DTNB: variants seen among roughly 807,000 people sequenced by gnomAD.
The protein encoded by DTNB is DTN-B.
A neutral mutation model predicts 90.7 loss-of-function variants in DTNB; 63 were observed. That is an observed-to-expected ratio of 0.69 (90% CI 0.57 to 0.86). DTNB has a LOEUF of 0.86. DTNB is among the 40% of genes least tolerant of loss of function. The probability of loss-of-function intolerance (pLI) is 0.00; values close to 1 mark genes in which losing one functional copy is unlikely to be tolerated. For missense variants in DTNB, 744 were observed against 807.1 expected (o/e 0.92, Z 0.95); for synonymous variants, 277 against 286.7 (o/e 0.97, Z 0.34).
At position 25,560,020 on chromosome 2, in the gene DTNB, G is replaced by A. The variant is rs1044046534; in HGVS notation, c.876+16818C>T. Among the ~76,000 whole-genome samples, 5 of 152,222 alleles carry A rather than the reference G, an allele frequency of 3.3e-5. No homozygotes were observed. The East Asian group carries it at 7.7e-4, about 23-fold the overall frequency. ...TCCCAACACTTTGAGAGGCCAAGGCGGGTGGATCACCTGAGGCCAGGAGTT... is the reference window on the plus strand; with the variant it reads ...TCCCAACACTTTGAGAGGCCAAGGCAGGTGGATCACCTGAGGCCAGGAGTT... On this transcript the variant is annotated intron_variant, in intron 8 of 20. Coordinates refer to ENST00000406818, the MANE Select transcript of DTNB (RefSeq NM_021907.5).
At chr2:25,609,657 TACACAC>T (rs4007298) in intron 4 of DTNB, among the ~76,000 whole-genome samples, 5,818 of 126,982 alleles carry the variant, frequency 0.046, 229 homozygotes, top group African/African-American at 0.1. Flanking sequence ...TAATAGAATG[TACACAC>T]ACACACACAC....
chr2:25,620,391 A>G (rs969884276), intron 4 of DTNB, among the ~76,000 whole-genome samples: 1 of 152,176 alleles, frequency 6.6e-6, no homozygotes, highest in African/African-American at 2.4e-5. Flanking sequence ...TACTGAATGG[A>G]CAGGAGAAGT....
chr2:25,609,657 TACACACACACACACACACAC>T (rs4007298), intron 4 of DTNB, among the ~76,000 whole-genome samples: 23 of 127,006 alleles, frequency 1.8e-4, no homozygotes, highest in African/African-American at 2.8e-4. Context: ...TAATAGAATG[TACACACACACACACACACAC>T]ACACACACAC....
chr2:25,641,154 C>T (rs2078221393), intron 2 of DTNB, among the ~76,000 whole-genome samples: 3 of 152,140 alleles, frequency 2.0e-5, no homozygotes, highest in Admixed American at 2.0e-4. Flanking sequence ...ACATGCATCA[C>T]CATAAAGCCC....
chr2:25,461,415 T>C (rs2060932015), intron 10 of DTNB, among the ~76,000 whole-genome samples: 1 of 152,232 alleles, frequency 6.6e-6, no homozygotes, highest in Non-Finnish European at 1.5e-5. Flanking sequence ...CTTTCCTTTT[T>C]GATAAAATAT....
intron 1 of DTNB, among the ~76,000 whole-genome samples, chr2:25,669,403 T>A (rs1159767480): frequency 1.3e-5 from 2 of 152,198 alleles, no homozygotes; most frequent in African/African-American, 4.8e-5. Context: ...AAAACTTTTT[T>A]AAACTTTTGG....
At chr2:25,410,083 T>C (rs1342739935) in intron 16 of DTNB, among the ~76,000 whole-genome samples, 1 of 152,216 alleles carries the variant, frequency 6.6e-6, no homozygotes, top group African/African-American at 2.4e-5. Context: ...TCCTTTTCTG[T>C]TAATGCTTTG....
At chr2:25,576,220 T>TG (rs2060630809) in intron 8 of DTNB, among the ~76,000 whole-genome samples, 1 of 145,898 alleles carries the variant, frequency 6.9e-6, no homozygotes, top group African/African-American at 2.6e-5. Context: ...TGAACAGTTT[T>TG]GTTTTTTTTT....
chr2:25,635,064 A>T (rs1329742189), intron 3 of DTNB, among the ~76,000 whole-genome samples: 4 of 149,558 alleles, frequency 2.7e-5, no homozygotes, highest in Admixed American at 1.3e-4. Context: ...AAAAAAAAAT[A>T]AAAAAATAAA....
intron 2 of DTNB, among the ~76,000 whole-genome samples, chr2:25,641,810 G>C (rs1352258359): frequency 6.6e-6 from 1 of 152,168 alleles, no homozygotes; most frequent in Non-Finnish European, 1.5e-5. Flanking sequence ...GTAGAAGCCA[G>C]ATCAACTTCA....
At chr2:25,548,831 G>C (rs2082991743) in intron 8 of DTNB, among the ~76,000 whole-genome samples, 1 of 152,192 alleles carries the variant, frequency 6.6e-6, no homozygotes, top group African/African-American at 2.4e-5. Context: ...GAAGGGAAAA[G>C]GGCAGAACCG....
chr2:25,379,394 AAGGGGCTTCCCTGACCAACCCACCCC>A (rs2149484927), intron 19 of DTNB, 71 bp from the exon 20 acceptor site: 7 of 1,289,964 alleles, frequency 5.4e-6, no homozygotes, highest in South Asian at 3.5e-5. Context: ...GACTATCTCA[AAGGGGCTTCCCTGACCAACCCACCCC>A]AGGGGCTTCC....
intron 8 of DTNB, among the ~76,000 whole-genome samples, chr2:25,571,135 C>T (rs779106111): frequency 5.3e-5 from 8 of 152,160 alleles, no homozygotes; most frequent in African/African-American, 1.9e-4. Flanking sequence ...TTGACTCCTC[C>T]GCTCTCACAA....
intron 2 of DTNB, among the ~76,000 whole-genome samples, chr2:25,642,627 G>T (rs1476080993): frequency 1.5e-4 from 23 of 151,904 alleles, no homozygotes; most frequent in Admixed American, 1.2e-3. Flanking sequence ...GCCCAGGCTG[G>T]TCTTGAACTC....
At chr2:25,553,480 G>C (rs956902629) in intron 8 of DTNB, among the ~76,000 whole-genome samples, 2 of 151,972 alleles carry the variant, frequency 1.3e-5, no homozygotes, top group Non-Finnish European at 2.9e-5. Context: ...GCTCATGCTT[G>C]TAATCCTAGC....
chr2:25,612,986 T>C (rs1048965931), intron 4 of DTNB, among the ~76,000 whole-genome samples: 3 of 152,138 alleles, frequency 2.0e-5, no homozygotes, highest in Middle Eastern at 3.2e-3. Context: ...TCTCTAAACA[T>C]TTAAAGAAGA....
chr2:25,377,576 T>C (rs1235706360), intron 20 of DTNB, 23 bp from the exon 21 acceptor site: 2 of 152,476 alleles, frequency 1.3e-5, no homozygotes, highest in Non-Finnish European at 2.9e-5. Context: ...CACTCACCGT[T>C]AGTCACGGGC....
intron 9 of DTNB, among the ~76,000 whole-genome samples, chr2:25,498,807 C>T (rs1455416008): frequency 7.7e-6 from 1 of 129,894 alleles, no homozygotes; most frequent in East Asian, 2.3e-4. Flanking sequence ...ATGATCATGC[C>T]ATCACACTCC....
At chr2:25,414,567 A>G (rs923428008) in intron 16 of DTNB, among the ~76,000 whole-genome samples, 2 of 152,134 alleles carry the variant, frequency 1.3e-5, no homozygotes, top group Non-Finnish European at 2.9e-5. Context: ...ATTCTTTTTG[A>G]TAAAGGATAT....
Sources: allele counts gnomAD v4.1 joint callset (sites outside exome capture counted in the v4.1 genomes callset), GRCh38; gene constraint gnomAD v4.1.1; transcripts MANE v1.5; gene names NCBI Gene and HGNC (gene_info 2026-07-23, HGNC 2026-07-21).